Variants in LBH observed in about 807,000 individuals in gnomAD.
The protein encoded by LBH is LBH regulator of Wnt signaling pathway.
LBH carries 7 observed loss-of-function variants against 12.5 expected under a neutral mutation model. The observed-to-expected ratio is 0.56, with a 90% CI of 0.32 to 1.05. The LOEUF (loss-of-function observed/expected upper bound fraction) is 1.05, where lower values mean the gene tolerates loss of function less well. Among genes scored for constraint, LBH ranks in the 50% least tolerant of loss-of-function variants. The probability of loss-of-function intolerance (pLI) is 0.04; values close to 1 mark genes in which losing one functional copy is unlikely to be tolerated. For missense variants in LBH, 119 were observed against 138.9 expected (o/e 0.86, Z 0.72); for synonymous variants, 51 against 50.1 (o/e 1.02, Z -0.08).
intron 2 of LBH, among the ~76,000 whole-genome samples, chr2:30,256,991 C>A (rs17321999): frequency 0.18 from 28,003 of 152,204 alleles, 2,879 homozygotes; most frequent in Admixed American, 0.27. Flanking sequence ...CACCTGGTAA[C>A]CTGCTCACTT....
intron 2 of LBH, among the ~76,000 whole-genome samples, chr2:30,253,102 C>G (rs1039761025): frequency 6.6e-6 from 1 of 152,212 alleles, no homozygotes; most frequent in Admixed American, 6.5e-5. Context: ...CGCCTCAACC[C>G]CTACCTGTCA....
At chr2:30,255,191 A>T (rs1678058886) in intron 2 of LBH, among the ~76,000 whole-genome samples, 1 of 151,916 alleles carries the variant, frequency 6.6e-6, no homozygotes, top group African/African-American at 2.4e-5. Context: ...CCTCTCACCC[A>T]CTCTCAGAGC....
intron 2 of LBH, among the ~76,000 whole-genome samples, chr2:30,244,341 T>A (rs1349736159): frequency 6.6e-6 from 1 of 152,182 alleles, no homozygotes; most frequent in African/African-American, 2.4e-5. Context: ...TAATAATGCT[T>A]ATACTACTTC....
intron 2 of LBH, among the ~76,000 whole-genome samples, chr2:30,241,092 A>G (rs1677781413): frequency 1.3e-5 from 2 of 152,226 alleles, no homozygotes; most frequent in African/African-American, 4.8e-5. Context: ...AACTGGATTT[A>G]AGAGGTATCC....
At chr2:30,255,307 C>T (rs906865) in intron 2 of LBH, among the ~76,000 whole-genome samples, 26,256 of 152,124 alleles carry the variant, frequency 0.17, 2,596 homozygotes, top group Admixed American at 0.27. Flanking sequence ...CCTCGCTCGG[C>T]ACATGCACGT....
chr2:30,251,289 A>G (rs1486188975), intron 2 of LBH, among the ~76,000 whole-genome samples: 2 of 152,120 alleles, frequency 1.3e-5, no homozygotes, highest in Admixed American at 6.5e-5. Context: ...GACAGCGCAG[A>G]TAGAGAACAT....
At position 30,234,408 on chromosome 2, in the gene LBH, CGACTATCTGAGAT is replaced by C; in HGVS notation, c.31_43del (p.Asp11ArgfsTer4). Reference sequence around the variant, plus strand: ...TTTGGTCTGGGTTTCTTGGCAGCCCCGACTATCTGAGATCGGCCAAGATGACTGAGGTGATGAT... The same window carrying C: ...TTTGGTCTGGGTTTCTTGGCAGCCCCCGGCCAAGATGACTGAGGTGATGAT... On this transcript the variant is annotated frameshift_variant, in exon 2 of 3. Transcript: ENST00000395323. LOFTEE classifies it high-confidence loss of function. 5 of 1,613,828 alleles carry C rather than the reference CGACTATCTGAGAT, an allele frequency of 3.1e-6. No homozygotes were observed. The highest frequency in any genetic ancestry group is 4.2e-6 in the Non-Finnish European group (5 of 1,179,758).
chr2:30,249,918 C>T (rs958368926), intron 2 of LBH, among the ~76,000 whole-genome samples: 5 of 152,184 alleles, frequency 3.3e-5, no homozygotes, highest in South Asian at 2.1e-4. Context: ...AATAGGCCAC[C>T]GCTTCGATGA....
Position 30,257,879 on chromosome 2 carries a change from G to A in LBH, c.*258G>A. 3.0e-6 allele frequency: 1 copy of A among 331,798 alleles called. No homozygotes were observed. Among genetic ancestry groups the A allele is most frequent in the Non-Finnish European group, 5.5e-6 (1 of 181,948 alleles). The allele number at this position is 331,798 out of a possible 1,614,324, so 20.6% of individuals were successfully genotyped here. A position where few individuals can be genotyped will look rare whatever the true frequency, so the allele number is the denominator to read the frequency against. On this transcript the variant is annotated 3_prime_UTR_variant, in exon 3 of 3. Coordinates refer to ENST00000395323, the MANE Select transcript of LBH (RefSeq NM_030915.4). ...AAAGGAAGCTGCTTAGAGCCAGGGG[G>A]TTAGTGGGTGAGGGGAGCGAGTGCT... is the stretch of plus-strand genomic sequence containing the variant.
chr2:30,232,217 A>T, intron 1 of LBH: 1 of 817,086 alleles, frequency 1.2e-6, no homozygotes, highest in Non-Finnish European at 1.7e-6. Context: ...GTGCGGCCGC[A>T]GGGTTTGCAG....
chr2:30,259,994 T>C lies in LBH; in HGVS notation c.*2373T>C, dbSNP rs773893328. 5 of 152,548 alleles carry C rather than the reference T, an allele frequency of 3.3e-5. No homozygotes were observed. Among genetic ancestry groups the C allele is most frequent in the Non-Finnish European group, 5.9e-5 (4 of 68,028 alleles). 9.4% of individuals were successfully genotyped at this position (152,548 alleles called of 1,614,324 possible). ...TTTTCCAAACTACTTTTTGTCACTG[T>C]GACAGTTGTAAATAAAGTTTGAAAA... On this transcript the variant is annotated 3_prime_UTR_variant, in exon 3 of 3. Transcript: ENST00000395323.
intron 2 of LBH, among the ~76,000 whole-genome samples, chr2:30,249,890 AGAG>A (rs1677949149): frequency 6.6e-6 from 1 of 152,198 alleles, no homozygotes; most frequent in Admixed American, 6.5e-5. Flanking sequence ...CCCAAATTAT[AGAG>A]GAGTAGAGGA....
intron 2 of LBH, among the ~76,000 whole-genome samples, chr2:30,241,489 T>C (rs1217249949): frequency 1.3e-5 from 2 of 151,070 alleles, no homozygotes; most frequent in African/African-American, 4.9e-5. Flanking sequence ...GATGGTATTT[T>C]GCTCTTGTTG....
At chr2:30,255,209 T>C (rs1678059378) in intron 2 of LBH, among the ~76,000 whole-genome samples, 2 of 152,242 alleles carry the variant, frequency 1.3e-5, no homozygotes, top group African/African-American at 4.8e-5. Context: ...AGCTCATGCT[T>C]GGAGGGCGCC....
intron 2 of LBH, among the ~76,000 whole-genome samples, chr2:30,256,263 G>C (rs115016758): frequency 0.011 from 1,652 of 152,260 alleles, 31 homozygotes; most frequent in African/African-American, 0.037. Flanking sequence ...CACAAAGTAG[G>C]CATTAAAAAA....
At position 30,257,424 on chromosome 2, in the gene LBH, T is replaced by G; in HGVS notation, c.130-9T>G. The G allele has an allele frequency of 2.5e-6, 4 of 1,614,014 alleles. No individual in the cohort carries two copies. The highest frequency in any genetic ancestry group is 2.5e-6 in the Non-Finnish European group (3 of 1,179,910). ...ACGTGACCAGGCACCTGCTCTGCTTTTCTTTCAGATCTTCCCAGACCCGTC... is the reference window on the plus strand; with the variant it reads ...ACGTGACCAGGCACCTGCTCTGCTTGTCTTTCAGATCTTCCCAGACCCGTC... On this transcript the variant is annotated splice_polypyrimidine_tract_variant and intron_variant, in intron 2 of 2. Transcript: ENST00000395323.
chr2:30,241,307 T>C (rs1411379004), intron 2 of LBH, among the ~76,000 whole-genome samples: 1 of 152,220 alleles, frequency 6.6e-6, no homozygotes, highest in East Asian at 1.9e-4. Flanking sequence ...ATTAGTGTTT[T>C]AATTATAGGA....
Position 30,231,695 on chromosome 2 carries a change from GT to G in LBH, c.-39del. On this transcript the variant is annotated 5_prime_UTR_variant, in exon 1 of 3. Transcript: ENST00000395323. ...CATCCTCACTCGGGACGCAGGGACCGTTTTTAAATCACAGGGGCGTGTGTCA... is the reference window on the plus strand; with the variant it reads ...CATCCTCACTCGGGACGCAGGGACCGTTTTAAATCACAGGGGCGTGTGTCA... 3 of 1,583,820 alleles carry G rather than the reference GT, an allele frequency of 1.9e-6. No individual in the cohort carries two copies. The highest frequency in any genetic ancestry group is 1.7e-5 in the Admixed American group (1 of 57,230).
rs1167824249 is a variant in LBH at position 30,231,586 on chromosome 2, A to C, written c.-153A>C. Reference sequence around the variant, plus strand: ...TTGTGTCCACCTTGCCGACGTCGCTAGCCGTGGGGCTGTCCTGGGAAGGCG... The same window carrying C: ...TTGTGTCCACCTTGCCGACGTCGCTCGCCGTGGGGCTGTCCTGGGAAGGCG... On this transcript the variant is annotated 5_prime_UTR_variant, in exon 1 of 3. Transcript: ENST00000395323. 2.9e-6 allele frequency: 2 copies of C among 690,246 alleles called. No homozygotes were observed. The highest frequency in any genetic ancestry group is 5.1e-6 in the Non-Finnish European group (2 of 389,268). The allele number at this position is 690,246 out of a possible 1,614,324, so 42.8% of individuals were successfully genotyped here. A position where few individuals can be genotyped will look rare whatever the true frequency, so the allele number is the denominator to read the frequency against.
Sources: allele counts gnomAD v4.1 joint callset (sites outside exome capture counted in the v4.1 genomes callset), GRCh38; gene constraint gnomAD v4.1.1; transcripts MANE v1.5; gene names NCBI Gene and HGNC (gene_info 2026-07-23, HGNC 2026-07-21).